PDE6D: variants seen among roughly 807,000 people sequenced by gnomAD.
PDE6D encodes the protein phosphodiesterase 6D.
A neutral mutation model predicts 21.9 loss-of-function variants in PDE6D; 10 were observed. The observed-to-expected ratio is 0.46, with a 90% CI of 0.28 to 0.78. PDE6D has a LOEUF of 0.78. PDE6D is among the 30% of genes least tolerant of loss of function. The pLI is 0.12. For missense variants in PDE6D, 139 were observed against 184.8 expected (o/e 0.75, Z 1.44); for synonymous variants, 59 against 63.5 (o/e 0.93, Z 0.34).
At chr2:231,778,418 A>C (rs2049074068) in intron 1 of PDE6D, among the ~76,000 whole-genome samples, 1 of 152,246 alleles carries the variant, frequency 6.6e-6, no homozygotes, top group Admixed American at 6.5e-5. Flanking sequence ...AATAAGAAAA[A>C]TAAACAATAG....
At chr2:231,733,128 G>C in intron 4 of PDE6D, 95 bp from the exon 5 acceptor site, 2 of 837,982 alleles carry the variant, frequency 2.4e-6, no homozygotes, top group South Asian at 2.9e-5. Context: ...GGATTCCTGG[G>C]CCAATGGACA....
chr2:231,740,307 A>G (rs551922742), intron 1 of PDE6D, among the ~76,000 whole-genome samples: 4 of 152,338 alleles, frequency 2.6e-5, no homozygotes, highest in East Asian at 3.9e-4. Context: ...AGAAACACAT[A>G]TATTTTGATA....
intron 1 of PDE6D, among the ~76,000 whole-genome samples, chr2:231,773,017 C>T (rs2106286879): frequency 1.3e-5 from 2 of 152,284 alleles, no homozygotes; most frequent in South Asian, 4.2e-4. Flanking sequence ...GTGGGCAAAT[C>T]ACTTGAGCCC....
intron 1 of PDE6D, among the ~76,000 whole-genome samples, chr2:231,753,732 CATT>C (rs1466501647): frequency 6.6e-6 from 1 of 152,092 alleles, no homozygotes; most frequent in Non-Finnish European, 1.5e-5. Context: ...CAATCTAATA[CATT>C]GTGACCAGAG....
At chr2:231,761,267 C>T (rs1237422735) in intron 1 of PDE6D, among the ~76,000 whole-genome samples, 1 of 152,140 alleles carries the variant, frequency 6.6e-6, no homozygotes, top group Non-Finnish European at 1.5e-5. Context: ...CTCCGCTTCC[C>T]AGGTTCACGC....
intron 1 of PDE6D, among the ~76,000 whole-genome samples, chr2:231,769,528 TCACA>T (rs754563740): frequency 8.8e-5 from 13 of 148,160 alleles, no homozygotes; most frequent in South Asian, 4.2e-4. Context: ...TCTCTCTCTC[TCACA>T]CACACACACA....
At chr2:231,761,598 T>C (rs776731005) in intron 1 of PDE6D, among the ~76,000 whole-genome samples, 1 of 152,234 alleles carries the variant, frequency 6.6e-6, no homozygotes, top group Non-Finnish European at 1.5e-5. Context: ...GCAGACAGCA[T>C]GAGGCCAGGG....
intron 1 of PDE6D, among the ~76,000 whole-genome samples, chr2:231,747,353 A>G (rs1189016851): frequency 6.6e-6 from 1 of 152,212 alleles, no homozygotes; most frequent in Non-Finnish European, 1.5e-5. Context: ...GTCCTCCCAG[A>G]GTGCTGGGAT....
At chr2:231,742,496 A>T (rs762542483) in intron 1 of PDE6D, among the ~76,000 whole-genome samples, 3 of 152,218 alleles carry the variant, frequency 2.0e-5, no homozygotes, top group Non-Finnish European at 4.4e-5. Context: ...GAGAGTGCTA[A>T]GGTTTTTTTT....
At chr2:231,746,194 T>C (rs1378943110) in intron 1 of PDE6D, among the ~76,000 whole-genome samples, 1 of 152,158 alleles carries the variant, frequency 6.6e-6, no homozygotes, top group Non-Finnish European at 1.5e-5. Context: ...CAGGCTGGAG[T>C]GCAGTGGTGC....
intron 1 of PDE6D, among the ~76,000 whole-genome samples, chr2:231,747,250 C>A (rs576070836): frequency 2.0e-5 from 3 of 152,186 alleles, no homozygotes; most frequent in Non-Finnish European, 4.4e-5. Context: ...GCCACCACAC[C>A]TGGCTAATTT....
intron 1 of PDE6D, among the ~76,000 whole-genome samples, chr2:231,748,822 G>A (rs1209419458): frequency 1.3e-5 from 2 of 152,242 alleles, no homozygotes; most frequent in Non-Finnish European, 2.9e-5. Context: ...GCTTCAGAGG[G>A]TGGAGGACCC....
At chr2:231,751,122 C>T (rs2048836543) in intron 1 of PDE6D, among the ~76,000 whole-genome samples, 1 of 68,264 alleles carries the variant, frequency 1.5e-5, no homozygotes, top group Non-Finnish European at 3.1e-5. Context: ...CTATTCTAGT[C>T]TTTTTTTTTT....
At position 231,733,831 on chromosome 2, in the gene PDE6D, C is replaced by T. The variant is rs2048671358; in HGVS notation, c.372-798G>A. Among the ~76,000 whole-genome samples, 5 of 152,040 alleles carry T rather than the reference C, an allele frequency of 3.3e-5. 1 individual carries two copies. Among genetic ancestry groups the T allele is most frequent in the Admixed American group, 3.3e-4 (5 of 15,252 alleles). On this transcript the variant is annotated intron_variant, in intron 4 of 4. Coordinates refer to ENST00000287600, the MANE Select transcript of PDE6D (RefSeq NM_002601.4). ...ATTTCATTTTTCTTGGTGGGTATCT[C>T]GGTGCTCCCATTTGTAAAATGGGAG...
rs367978697 is a variant in PDE6D at position 231,751,407 on chromosome 2, A to G, written c.51-12219T>C. Among the ~76,000 whole-genome samples the G allele has an allele frequency of 3.9e-4, 59 of 152,350 alleles. No homozygotes were observed. In the Middle Eastern group the frequency reaches 0.01, roughly 26 times the overall value. On this transcript the variant is annotated intron_variant, in intron 1 of 4. Coordinates refer to ENST00000287600, the MANE Select transcript of PDE6D (RefSeq NM_002601.4). ...AGTGATCCTCCCACCTTGGCTTCCC[A>G]AAGTACTGAGATTACAGGCGTGAGC...
chr2:231,775,834 T>C (rs1045528490), intron 1 of PDE6D, among the ~76,000 whole-genome samples: 1 of 151,774 alleles, frequency 6.6e-6, no homozygotes, highest in African/African-American at 2.4e-5. Context: ...AAGCCAATAT[T>C]AAAAAAAAGC....
intron 1 of PDE6D, among the ~76,000 whole-genome samples, chr2:231,765,272 C>CA (rs1405094502): frequency 6.0e-5 from 9 of 149,416 alleles, no homozygotes; most frequent in Non-Finnish European, 8.9e-5. Context: ...GATCCTATCT[C>CA]AAAAAAAATA....
intron 1 of PDE6D, chr2:231,768,827 T>A (rs138651575): frequency 6.6e-6 from 1 of 152,230 alleles, no homozygotes; most frequent in African/African-American, 2.4e-5. Context: ...TCTTTCTCTC[T>A]CCCTTATATA....
intron 1 of PDE6D, among the ~76,000 whole-genome samples, chr2:231,740,639 C>A (rs142443842): frequency 7.1e-6 from 1 of 140,192 alleles, no homozygotes; most frequent in African/African-American, 2.7e-5. Flanking sequence ...CGAGATCATG[C>A]GACTGCACTC....
Sources: allele counts gnomAD v4.1 joint callset (sites outside exome capture counted in the v4.1 genomes callset), GRCh38; gene constraint gnomAD v4.1.1; transcripts MANE v1.5; gene names NCBI Gene and HGNC (gene_info 2026-07-23, HGNC 2026-07-21).